The following KAZN variants were observed in gnomAD, a reference collection of about 807,000 sequenced individuals.
KAZN encodes kazrin.
In KAZN, 40 loss-of-function variants were observed where a neutral mutation model predicts 87.4. The ratio of observed to expected loss-of-function variants is 0.46; its 90% CI spans 0.36 to 0.60. The LOEUF (loss-of-function observed/expected upper bound fraction) is 0.60. Ranked by LOEUF, KAZN falls within the 20% of genes least tolerant of loss-of-function variation. The probability of loss-of-function intolerance (pLI) is 0.00; values close to 1 mark genes in which losing one functional copy is unlikely to be tolerated. For missense variants in KAZN, 898 were observed against 1,073.9 expected (o/e 0.84, Z 2.29); for synonymous variants, 466 against 458.3 (o/e 1.02, Z -0.22).
chr1:13,966,705 T>C (rs1226484065), intron 1 of KAZN, among the ~76,000 whole-genome samples: 1 of 152,194 alleles, frequency 6.6e-6, no homozygotes, highest in East Asian at 1.9e-4. Context: ...GTGCCGTAAG[T>C]GTAAAATAGA....
At chr1:14,896,320 T>C (rs1655273611) in intron 1 of KAZN, among the ~76,000 whole-genome samples, 1 of 152,168 alleles carries the variant, frequency 6.6e-6, no homozygotes, top group Admixed American at 6.5e-5. Context: ...CCCAAAGCAC[T>C]GGGATTACAG....
At chr1:14,428,790 G>A (rs569771522) in intron 2 of KAZN, among the ~76,000 whole-genome samples, 12 of 151,990 alleles carry the variant, frequency 7.9e-5, no homozygotes, top group Non-Finnish European at 1.8e-4. Context: ...ACAGTATGGG[G>A]GAAACCACCC....
intron 1 of KAZN, among the ~76,000 whole-genome samples, chr1:14,126,161 C>G (rs1441030180): frequency 6.6e-6 from 1 of 152,088 alleles, no homozygotes; most frequent in Non-Finnish European, 1.5e-5. Flanking sequence ...CAAAGTGAAG[C>G]TAGGATTCCT....
chr1:14,464,000 T>G (rs1003085551), intron 2 of KAZN, among the ~76,000 whole-genome samples: 5 of 152,218 alleles, frequency 3.3e-5, no homozygotes, highest in African/African-American at 1.2e-4. Context: ...CCGTGAAACC[T>G]AAGGAACACT....
chr1:14,088,115 A>G (rs1436204524), intron 1 of KAZN, among the ~76,000 whole-genome samples: 2 of 151,222 alleles, frequency 1.3e-5, no homozygotes, highest in Non-Finnish European at 3.0e-5. Context: ...CTACTAATCT[A>G]ATTTTTTCAA....
At chr1:14,702,705 T>C (rs1642001031) in intron 1 of KAZN, among the ~76,000 whole-genome samples, 1 of 152,196 alleles carries the variant, frequency 6.6e-6, no homozygotes, top group African/African-American at 2.4e-5. Flanking sequence ...TGGTATTCTT[T>C]TTGAGAGTCA....
chr1:14,820,184 C>T lies in KAZN; in HGVS notation c.227-140500C>T, dbSNP rs1051971182. Reference sequence around the variant, plus strand: ...GTAGGAGTGGCAGGGCCCATGAACTCACATTCTGTGACGTTCACACAGAGG... The same window carrying T: ...GTAGGAGTGGCAGGGCCCATGAACTTACATTCTGTGACGTTCACACAGAGG... On this transcript the variant is annotated intron_variant, in intron 1 of 14. Coordinates refer to ENST00000376030, the MANE Select transcript of KAZN (RefSeq NM_201628.3). This position sits in a 1 kb window ranked among gnomAD's most constrained non-coding sequence, Gnocchi z 4.1. Among the ~76,000 whole-genome samples the T allele has an allele frequency of 1.3e-5, 2 of 152,196 alleles. No homozygotes were observed. Among genetic ancestry groups the T allele is most frequent in the Non-Finnish European group, 2.9e-5 (2 of 68,038 alleles).
At chr1:15,051,383 T>C (rs1319592595) in intron 4 of KAZN, among the ~76,000 whole-genome samples, 1 of 152,230 alleles carries the variant, frequency 6.6e-6, no homozygotes, top group Admixed American at 6.5e-5. Flanking sequence ...CTCCCCTTCC[T>C]GCCTCATGGG....
At chr1:14,411,579 C>T (rs111640419) in intron 2 of KAZN, among the ~76,000 whole-genome samples, 53 of 152,200 alleles carry the variant, frequency 3.5e-4, no homozygotes, top group African/African-American at 1.3e-3. Flanking sequence ...GGATTACAGG[C>T]GTGAGCCACC....
intron 1 of KAZN, among the ~76,000 whole-genome samples, chr1:14,647,197 C>G (rs997960915): frequency 6.6e-6 from 1 of 152,252 alleles, no homozygotes; most frequent in South Asian, 2.1e-4. Flanking sequence ...TACCCCGGGG[C>G]GCAGTTTTTC....
At chr1:14,195,603 CAAT>C (rs1204024402) in intron 2 of KAZN, among the ~76,000 whole-genome samples, 1 of 151,838 alleles carries the variant, frequency 6.6e-6, no homozygotes, top group East Asian at 1.9e-4. Flanking sequence ...ATTACAGACT[CAAT>C]AAACTGGAAA....
intron 2 of KAZN, among the ~76,000 whole-genome samples, chr1:14,251,162 C>A (rs150525923): frequency 6.6e-6 from 1 of 152,284 alleles, no homozygotes; most frequent in African/African-American, 2.4e-5. Flanking sequence ...TCTCAGAATT[C>A]CATCCACGGA....
chr1:14,159,960 A>T (rs1241315001), intron 1 of KAZN, among the ~76,000 whole-genome samples: 1 of 152,132 alleles, frequency 6.6e-6, no homozygotes, highest in African/African-American at 2.4e-5. Context: ...GCTGTGGCTG[A>T]GCTGGTATCC....
At chr1:14,278,087 C>T (rs1193103859) in intron 2 of KAZN, among the ~76,000 whole-genome samples, 2 of 147,206 alleles carry the variant, frequency 1.4e-5, no homozygotes, top group African/African-American at 5.1e-5. Flanking sequence ...GGAGAATCGC[C>T]TGAATCTGGG....
At chr1:14,612,583 T>C (rs1159525458) in intron 1 of KAZN, among the ~76,000 whole-genome samples, 2 of 152,186 alleles carry the variant, frequency 1.3e-5, no homozygotes, top group Admixed American at 1.3e-4. Flanking sequence ...ATCTGGAACA[T>C]GAGGCCGATA....
At chr1:14,538,734 A>G (rs1672642901) in intron 2 of KAZN, among the ~76,000 whole-genome samples, 1 of 152,250 alleles carries the variant, frequency 6.6e-6, no homozygotes, top group East Asian at 1.9e-4. Flanking sequence ...ATAAGGCTAC[A>G]GGAAAGAAAA....
chr1:14,621,211 G>C (rs1678671431), intron 1 of KAZN, among the ~76,000 whole-genome samples: 2 of 152,346 alleles, frequency 1.3e-5, no homozygotes, highest in South Asian at 2.1e-4. Flanking sequence ...TCAATGGCTG[G>C]AGGGTGGAAA....
chr1:14,280,435 T>C (rs191072637), intron 2 of KAZN, among the ~76,000 whole-genome samples: 47 of 138,114 alleles, frequency 3.4e-4, no homozygotes, highest in Non-Finnish European at 1.1e-4. Context: ...CCCAATCCGA[T>C]ATGACTGGTG....
intron 2 of KAZN, among the ~76,000 whole-genome samples, chr1:14,527,437 T>C (rs1671938025): frequency 6.6e-6 from 1 of 151,760 alleles, no homozygotes; most frequent in African/African-American, 2.4e-5. Context: ...TAATCCCGAC[T>C]ACTTGGGAGT....
Sources: gnomAD v4.1 joint callset for allele counts (sites outside exome capture counted in the v4.1 genomes callset) on GRCh38, gnomAD v4.1.1 for gene constraint, Gnocchi (gnomAD v3.1) non-coding constraint, MANE v1.5 for transcripts, NCBI Gene and HGNC (gene_info 2026-07-23, HGNC 2026-07-21) for gene names.